Variants in SLC4A10 observed in about 807,000 individuals in gnomAD.
The protein encoded by SLC4A10 is sodium-driven chloride bicarbonate exchanger.
In SLC4A10, 42 loss-of-function variants were observed where a neutral mutation model predicts 137.7. The ratio of observed to expected loss-of-function variants is 0.30; its 90% CI spans 0.24 to 0.39. The LOEUF (loss-of-function observed/expected upper bound fraction) is 0.39. Ranked by LOEUF, SLC4A10 falls within the 10% of genes least tolerant of loss-of-function variation. The probability of loss-of-function intolerance (pLI) is 1.00; values close to 1 mark genes in which losing one functional copy is unlikely to be tolerated. For synonymous variants in SLC4A10, 474 were observed against 464.1 expected (o/e 1.02, Z -0.27); for missense variants, 925 against 1,355.0 (o/e 0.68, Z 4.98).
At chr2:161,795,369 G>C (rs545081671) in intron 2 of SLC4A10, among the ~76,000 whole-genome samples, 1 of 151,970 alleles carries the variant, frequency 6.6e-6, no homozygotes, top group Non-Finnish European at 1.5e-5. Flanking sequence ...TGGGGCAATT[G>C]CTTTTTTTGT....
At chr2:161,902,799 G>C (rs62188819) in intron 12 of SLC4A10, among the ~76,000 whole-genome samples, 10,217 of 152,078 alleles carry the variant, frequency 0.067, 447 homozygotes, top group East Asian at 0.13. Flanking sequence ...CAAATTCTAA[G>C]GAGAATTTAT....
chr2:161,908,705 T>C (rs183504300), intron 15 of SLC4A10, among the ~76,000 whole-genome samples: 1 of 150,244 alleles, frequency 6.7e-6, no homozygotes, highest in Admixed American at 6.6e-5. Flanking sequence ...GAAAGCTGCA[T>C]AGGCCAGTTG....
At chr2:161,706,400 G>A (rs748897324) in intron 1 of SLC4A10, among the ~76,000 whole-genome samples, 33 of 151,370 alleles carry the variant, frequency 2.2e-4, no homozygotes, top group South Asian at 4.2e-4. Context: ...TTGATGTTTC[G>A]CTTTTCCTCA....
chr2:161,648,511 T>A (rs2036369716), intron 1 of SLC4A10, among the ~76,000 whole-genome samples: 1 of 152,224 alleles, frequency 6.6e-6, no homozygotes, highest in Admixed American at 6.5e-5. Context: ...GACCAAATGT[T>A]CTTTAAAAAC....
chr2:161,691,655 T>C (rs1298812077), intron 1 of SLC4A10, among the ~76,000 whole-genome samples: 2 of 152,152 alleles, frequency 1.3e-5, no homozygotes, highest in Non-Finnish European at 2.9e-5. Context: ...ATAAGTATTA[T>C]TGAGCTCTTA....
At chr2:161,655,949 G>T (rs1458888056) in intron 1 of SLC4A10, among the ~76,000 whole-genome samples, 3 of 151,766 alleles carry the variant, frequency 2.0e-5, no homozygotes, top group Admixed American at 1.3e-4. Flanking sequence ...GAGTAGATGG[G>T]ATTACAGGCG....
At chr2:161,632,087 C>T (rs2033659887) in intron 1 of SLC4A10, among the ~76,000 whole-genome samples, 1 of 151,690 alleles carries the variant, frequency 6.6e-6, no homozygotes, top group Admixed American at 6.6e-5. Flanking sequence ...CTTGTTCTTG[C>T]TAATTCTGGA....
chr2:161,886,100 A>G (rs1002080589), intron 10 of SLC4A10, among the ~76,000 whole-genome samples: 4 of 152,224 alleles, frequency 2.6e-5, no homozygotes, highest in African/African-American at 9.6e-5. Context: ...CCTTGTCTCA[A>G]AATAAATACA....
chr2:161,749,513 C>T (rs1210281348), intron 1 of SLC4A10, among the ~76,000 whole-genome samples: 1 of 151,820 alleles, frequency 6.6e-6, no homozygotes, highest in Non-Finnish European at 1.5e-5. Context: ...TTGAGATGAT[C>T]ATGTGTTTTT....
At chr2:161,924,976 A>G (rs1296952329) in intron 15 of SLC4A10, among the ~76,000 whole-genome samples, 1 of 152,188 alleles carries the variant, frequency 6.6e-6, no homozygotes, top group Non-Finnish European at 1.5e-5. Context: ...ATAGGAGGGC[A>G]GAGCTACAGG....
chr2:161,916,780 C>T (rs62188843), intron 15 of SLC4A10, among the ~76,000 whole-genome samples: 10,225 of 152,270 alleles, frequency 0.067, 450 homozygotes, highest in East Asian at 0.13. Flanking sequence ...CTGCCAGATA[C>T]TTATGTGGCT....
intron 1 of SLC4A10, among the ~76,000 whole-genome samples, chr2:161,762,998 CTTGAG>C (rs2050408876): frequency 6.6e-6 from 1 of 151,998 alleles, no homozygotes; most frequent in Non-Finnish European, 1.5e-5. Context: ...CCATACATTC[CTTGAG>C]TTATGAGAAA....
intron 6 of SLC4A10, among the ~76,000 whole-genome samples, chr2:161,864,036 C>A (rs751598441): frequency 6.6e-6 from 1 of 152,168 alleles, no homozygotes; most frequent in African/African-American, 2.4e-5. Flanking sequence ...CCCGTCTCTA[C>A]TAAAAATACA....
intron 11 of SLC4A10, among the ~76,000 whole-genome samples, chr2:161,899,773 C>T (rs950146308): frequency 2.0e-5 from 3 of 152,038 alleles, no homozygotes; most frequent in Non-Finnish European, 2.9e-5. Context: ...TTAATGTATC[C>T]TATTTACCTG....
chr2:161,980,806 T>C (rs1270615137), intron 26 of SLC4A10, among the ~76,000 whole-genome samples: 2 of 152,252 alleles, frequency 1.3e-5, no homozygotes, highest in Non-Finnish European at 2.9e-5. Flanking sequence ...CTTATCTATC[T>C]TGTACTCCTA....
intron 1 of SLC4A10, among the ~76,000 whole-genome samples, chr2:161,718,882 C>T (rs184315854): frequency 1.3e-5 from 2 of 152,072 alleles, no homozygotes; most frequent in Non-Finnish European, 2.9e-5. Context: ...ATATTGACAG[C>T]AGGGTGTTAT....
chr2:161,687,873 T>G (rs1215475562), intron 1 of SLC4A10, among the ~76,000 whole-genome samples: 1 of 152,194 alleles, frequency 6.6e-6, no homozygotes, highest in Non-Finnish European at 1.5e-5. Flanking sequence ...ATTGTAGGTT[T>G]CTTGAGGCCT....
chr2:161,838,055 GC>G (rs1254333132), intron 3 of SLC4A10, among the ~76,000 whole-genome samples: 4 of 152,116 alleles, frequency 2.6e-5, no homozygotes, highest in Admixed American at 2.6e-4. Context: ...TTGTTTATAA[GC>G]CACTCAATCT....
At chr2:161,981,987 T>A (rs1235444347) in intron 26 of SLC4A10, among the ~76,000 whole-genome samples, 1 of 152,104 alleles carries the variant, frequency 6.6e-6, no homozygotes, top group Non-Finnish European at 1.5e-5. Flanking sequence ...AAAAACAATT[T>A]AAAAAACACA....
Sources: allele counts gnomAD v4.1 joint callset (sites outside exome capture counted in the v4.1 genomes callset), GRCh38; gene constraint gnomAD v4.1.1; transcripts MANE v1.5; gene names NCBI Gene and HGNC (gene_info 2026-07-23, HGNC 2026-07-21).